The following XYLT1 variants were observed in gnomAD, a reference collection of about 807,000 sequenced individuals.
XYLT1 encodes the protein beta-D-xylosyltransferase 1.
XYLT1 carries 36 observed loss-of-function variants against 91.3 expected under a neutral mutation model. The ratio of observed to expected loss-of-function variants is 0.39; its 90% CI spans 0.30 to 0.52. The LOEUF (loss-of-function observed/expected upper bound fraction) is 0.52. Ranked by LOEUF, XYLT1 falls within the 20% of genes least tolerant of loss-of-function variation. The pLI is 0.68. For missense variants in XYLT1, 1,242 were observed against 1,284.5 expected, an observed-to-expected ratio of 0.97 and a Z score of 0.51; for synonymous variants, 588 against 532.0, an observed-to-expected ratio of 1.11 and a Z score of -1.45.
intron 9 of XYLT1, 132 bp downstream of exon 9, chr16:17,134,341 C>CAAAGGAAGAGAGAAAGCATAGG (rs2030620545): frequency 1.6e-6 from 2 of 1,284,142 alleles, no homozygotes; most frequent in African/African-American, 2.9e-5. Context: ...GAGTTTTGGG[C>CAAAGGAAGAGAGAAAGCATAGG]AAAGGAAGAG....
intron 5 of XYLT1, among the ~76,000 whole-genome samples, chr16:17,161,442 C>T (rs917142208): frequency 2.0e-4 from 30 of 152,214 alleles, no homozygotes; most frequent in Non-Finnish European, 3.2e-4. Flanking sequence ...TGCCTACCCC[C>T]CTTGCTAGGG....
intron 1 of XYLT1, among the ~76,000 whole-genome samples, chr16:17,467,158 C>T (rs1326855197): frequency 4.6e-5 from 7 of 152,046 alleles, no homozygotes; most frequent in Admixed American, 3.3e-4. Context: ...TTATGTAGGG[C>T]GGCAGGCGGG....
intron 1 of XYLT1, among the ~76,000 whole-genome samples, chr16:17,417,696 G>A (rs929347809): frequency 2.0e-5 from 3 of 152,162 alleles, no homozygotes; most frequent in East Asian, 1.9e-4. Flanking sequence ...TGCCTTTATC[G>A]AAAGGTAGTG....
chr16:17,241,382 C>T (rs1262238830), intron 3 of XYLT1, among the ~76,000 whole-genome samples: 1 of 152,216 alleles, frequency 6.6e-6, no homozygotes, highest in African/African-American at 2.4e-5. Context: ...CTAATAAAGT[C>T]TTGAAACAAA....
At chr16:17,331,051 C>G (rs1372666825) in intron 2 of XYLT1, among the ~76,000 whole-genome samples, 1 of 152,332 alleles carries the variant, frequency 6.6e-6, no homozygotes, top group South Asian at 2.1e-4. Context: ...CTGGCCATTC[C>G]CATGGGCAGA....
At chr16:17,269,773 C>T (rs2033858497) in intron 2 of XYLT1, among the ~76,000 whole-genome samples, 1 of 145,916 alleles carries the variant, frequency 6.9e-6, no homozygotes, top group Admixed American at 6.8e-5. Context: ...TCCCTCCCTC[C>T]CACCTCTCTC....
At chr16:17,406,161 G>A (rs934863455) in intron 1 of XYLT1, among the ~76,000 whole-genome samples, 3 of 152,092 alleles carry the variant, frequency 2.0e-5, no homozygotes, top group Non-Finnish European at 4.4e-5. Context: ...GCCTAGCCTG[G>A]GCAACAGAGT....
chr16:17,450,362 C>CAAACA (rs60371623), intron 1 of XYLT1, among the ~76,000 whole-genome samples: 1,995 of 145,492 alleles, frequency 0.014, 29 homozygotes, highest in African/African-American at 0.035. Context: ...AACAAACAAA[C>CAAACA]AAAAAAAAAA....
rs116494214 is a variant in XYLT1, at chr16:17,256,838, C to T, written c.913+2150G>A. ...GCATGGCTCCCGGATGCACCGATGCCGGTGGAACGGAAAGCCCTTCCTCCC... is the reference window on the plus strand; with the variant it reads ...GCATGGCTCCCGGATGCACCGATGCTGGTGGAACGGAAAGCCCTTCCTCCC... On this transcript the variant is annotated intron_variant, in intron 3 of 11. Transcript: ENST00000261381. Among the ~76,000 whole-genome samples the T allele has an allele frequency of 3.0e-3, 464 of 152,310 alleles. 2 individuals are homozygous for T. Among genetic ancestry groups the T allele is most frequent in the African/African-American group, 0.011 (437 of 41,562 alleles).
At position 17,358,054 on chromosome 16, in the gene XYLT1, T is replaced by G. The variant is rs772625231; in HGVS notation, c.364-4A>C. ...TGAGCGGACTTGGGTGTGGATCCTGTAGGATGAAAGGAGAAAATGCACGTG... is the reference window on the plus strand; with the variant it reads ...TGAGCGGACTTGGGTGTGGATCCTGGAGGATGAAAGGAGAAAATGCACGTG... On this transcript the variant is annotated splice_polypyrimidine_tract_variant and splice_region_variant and intron_variant, in intron 1 of 11. Coordinates refer to ENST00000261381, the MANE Select transcript of XYLT1 (RefSeq NM_022166.4). 6.2e-7 allele frequency: 1 copy of G among 1,612,824 alleles called. No homozygotes were observed. Among genetic ancestry groups the G allele is most frequent in the Non-Finnish European group, 8.5e-7 (1 of 1,179,430 alleles).
chr16:17,277,674 G>GC (rs774648757), intron 2 of XYLT1, among the ~76,000 whole-genome samples: 13 of 152,256 alleles, frequency 8.5e-5, no homozygotes, highest in Non-Finnish European at 1.5e-4. Flanking sequence ...ACAGGGGTGA[G>GC]CCCCCGGGTT....
chr16:17,205,140 T>C lies in XYLT1; in HGVS notation c.914-4486A>G, dbSNP rs144135282. On this transcript the variant is annotated intron_variant, in intron 3 of 11. Transcript: ENST00000261381. The stretch of plus-strand genomic sequence containing the variant: ...GAGAATATCAAGTATATTTTTGCAG[T>C]GCAGGTGTGAAGGCTGAGGATGATG... Among the ~76,000 whole-genome samples, 1,277 of 152,332 alleles carry C rather than the reference T, an allele frequency of 8.4e-3. 17 individuals are homozygous for C. Among genetic ancestry groups the C allele is most frequent in the African/African-American group, 0.029 (1,203 of 41,576 alleles).
chr16:17,456,417 AGCC>A (rs2036743970), intron 1 of XYLT1, among the ~76,000 whole-genome samples: 1 of 146,162 alleles, frequency 6.8e-6, no homozygotes, highest in African/African-American at 2.6e-5. Context: ...GGCTCACAGC[AGCC>A]TCAACCTCCC....
chr16:17,229,342 C>G (rs2033123268), intron 3 of XYLT1, among the ~76,000 whole-genome samples: 1 of 152,218 alleles, frequency 6.6e-6, no homozygotes, highest in Non-Finnish European at 1.5e-5. Context: ...GTGACCCCAG[C>G]TGTGGGCTTA....
intron 2 of XYLT1, among the ~76,000 whole-genome samples, chr16:17,346,673 T>C (rs1489147525): frequency 6.6e-6 from 1 of 152,212 alleles, no homozygotes; most frequent in Non-Finnish European, 1.5e-5. Context: ...AGTCACCTCC[T>C]GCTCCCATAA....
intron 3 of XYLT1, among the ~76,000 whole-genome samples, chr16:17,208,627 T>C (rs1281041149): frequency 6.6e-6 from 1 of 152,226 alleles, no homozygotes; most frequent in African/African-American, 2.4e-5. Flanking sequence ...ATTTTCCGCT[T>C]GTAGCATTAT....
At chr16:17,346,353 C>T (rs2035144017) in intron 2 of XYLT1, among the ~76,000 whole-genome samples, 1 of 152,092 alleles carries the variant, frequency 6.6e-6, no homozygotes, top group Non-Finnish European at 1.5e-5. Context: ...ACAGGACAAA[C>T]AATACCCAGG....
At chr16:17,234,639 A>C (rs1466548660) in intron 3 of XYLT1, among the ~76,000 whole-genome samples, 1 of 151,404 alleles carries the variant, frequency 6.6e-6, no homozygotes, top group Non-Finnish European at 1.5e-5. Flanking sequence ...TACATTTCAC[A>C]GCAGCACTCG....
chr16:17,281,435 C>G (rs1321600683), intron 2 of XYLT1, among the ~76,000 whole-genome samples: 1 of 152,322 alleles, frequency 6.6e-6, no homozygotes, highest in South Asian at 2.1e-4. Flanking sequence ...GAGGGCAGTA[C>G]TTCCTAACAC....
Sources: allele counts gnomAD v4.1 joint callset (sites outside exome capture counted in the v4.1 genomes callset), GRCh38; gene constraint gnomAD v4.1.1; transcripts MANE v1.5; gene names NCBI Gene and HGNC (gene_info 2026-07-23, HGNC 2026-07-21).